Variants in NKTR observed in about 807,000 individuals in gnomAD.
NKTR encodes natural killer cell triggering receptor.
Under a neutral mutation model 156.3 loss-of-function variants are expected in NKTR, and 67 were observed. That is an observed-to-expected ratio of 0.43 (90% CI 0.35 to 0.53). The LOEUF (loss-of-function observed/expected upper bound fraction) is 0.53. Ranked by LOEUF, NKTR falls within the 20% of genes least tolerant of loss-of-function variation. The pLI is 0.01. For missense variants in NKTR, 1,604 were observed against 1,730.9 expected, an observed-to-expected ratio of 0.93 and a Z score of 1.30; for synonymous variants, 640 against 596.6, an observed-to-expected ratio of 1.07 and a Z score of -1.06.
At chr3:42,609,338 G>A (rs2125765773) in intron 2 of NKTR, among the ~76,000 whole-genome samples, 1 of 152,310 alleles carries the variant, frequency 6.6e-6, no homozygotes, top group East Asian at 1.9e-4. Context: ...CTTTGGTGTA[G>A]TAATGGTTTT....
At chr3:42,643,806 T>A (rs1302674500) in intron 15 of NKTR, 96 bp from the exon 16 acceptor site, 1 of 829,036 alleles carries the variant, frequency 1.2e-6, no homozygotes, top group African/African-American at 1.7e-5. Context: ...AGTGCCCATG[T>A]TCTAAGCTAG....
chr3:42,627,454 G>A (rs1184250678), intron 6 of NKTR: 1 of 985,116 alleles, frequency 1.0e-6, no homozygotes, highest in African/African-American at 1.7e-5. Context: ...TTCTGGTGGG[G>A]GAGTGGGGTT....
intron 2 of NKTR, among the ~76,000 whole-genome samples, chr3:42,608,650 C>T (rs947256492): frequency 6.6e-6 from 1 of 152,148 alleles, no homozygotes; most frequent in African/African-American, 2.4e-5. Flanking sequence ...ACTGAATCTC[C>T]AGCCCCTCTT....
At chr3:42,634,051 G>A (rs967819892) in intron 10 of NKTR, among the ~76,000 whole-genome samples, 8 of 152,298 alleles carry the variant, frequency 5.3e-5, no homozygotes, top group African/African-American at 1.7e-4. Context: ...TATTAGAGGG[G>A]TGAGGTTTTA....
At chr3:42,642,645 T>C in intron 14 of NKTR, 49 bp downstream of exon 14, 6 of 1,330,560 alleles carry the variant, frequency 4.5e-6, no homozygotes, top group African/African-American at 4.3e-5. Flanking sequence ...ATGTCCACTT[T>C]TTAAGGCTAC....
Position 42,639,440 on chromosome 3 carries a change from G to T in NKTR, c.3736G>T (p.Val1246Leu). 1 of 1,614,210 alleles carries T rather than the reference G, an allele frequency of 6.2e-7. No homozygotes were observed. Among genetic ancestry groups the T allele is most frequent in the Non-Finnish European group, 8.5e-7 (1 of 1,180,018 alleles). The change falls in exon 13 of 17, where the codon GTG becomes TTG. Residue 1246 changes from valine (V) to leucine (L), a missense_variant. This residue lies in a region of NKTR where 1,255 missense variants were observed against 1,243.7 expected (regional missense o/e 1.01). Transcript: ENST00000232978. The part of the protein sequence containing the change: ...AAPNAATSSA[V>L]EVKVLTTVPE... ...ACCTAATGCTGCCACATCCAGTGCT[G>T]TGGAAGTTAAGGTGTTGACCACTGT...
At chr3:42,611,067 TAA>T (rs2125768664) in intron 2 of NKTR, 1 of 152,348 alleles carries the variant, frequency 6.6e-6, no homozygotes, top group African/African-American at 2.4e-5. Flanking sequence ...GTGATCAGGA[TAA>T]ATAAGTGGTA....
chr3:42,602,731 AT>A (rs1283601406), intron 2 of NKTR: 1 of 149,420 alleles, frequency 6.7e-6, no homozygotes, highest in African/African-American at 2.5e-5. Context: ...GTTATTTTCT[AT>A]TAAGAATTAA....
chr3:42,620,114 A>T lies in NKTR; in HGVS notation c.286+406A>T, dbSNP rs1707769508. 3.3e-6 allele frequency: 5 copies of T among 1,518,396 alleles called. No individual in the cohort carries two copies. The East Asian group carries it at 1.2e-4, about 38-fold the overall frequency. The allele number at this position is 1,518,396 out of a possible 1,614,324, so 94.1% of individuals were successfully genotyped here. A position where few individuals can be genotyped will look rare whatever the true frequency, so the allele number is the denominator to read the frequency against. ...TGCACCCTTCCTAATAAATTTATGG[A>T]CAGTCTGGGTCAGGTTGTGGCTGGA... On this transcript the variant is annotated intron_variant, in intron 5 of 16. Transcript: ENST00000232978.
intron 6 of NKTR, among the ~76,000 whole-genome samples, chr3:42,621,936 T>G (rs1707940561): frequency 6.6e-6 from 1 of 152,016 alleles, no homozygotes; most frequent in South Asian, 2.1e-4. Context: ...ATTGCATGGT[T>G]GTTTTTTCCT....
chr3:42,619,161 T>A, intron 4 of NKTR, 34 bp downstream of exon 4: 1 of 1,586,920 alleles, frequency 6.3e-7, no homozygotes, highest in Non-Finnish European at 8.5e-7. Context: ...AATAACTCCA[T>A]CTATCAGTTT....
chr3:42,642,562 C>T lies in NKTR; in HGVS notation c.4108C>T (p.Arg1370Trp), dbSNP rs977683138. Residue 1370 changes from arginine (R) to tryptophan (W), a missense_variant, in exon 14 of 17, where the codon CGG becomes TGG. Coordinates refer to ENST00000232978, the MANE Select transcript of NKTR (RefSeq NM_005385.4). The stretch of plus-strand genomic sequence containing the variant: ...GTACAGCAGAGGCCGAACCAGAAGC[C>T]GGAGCAGTTCCTACCGGAGTTACAA... ...GWYSRGRTRS[R>W]SSSYRSYKSH... The T allele has an allele frequency of 9.9e-6, 16 of 1,613,982 alleles. No individual in the cohort carries two copies. Among genetic ancestry groups the T allele is most frequent in the East Asian group, 8.9e-5 (4 of 44,890 alleles).
intron 2 of NKTR, among the ~76,000 whole-genome samples, chr3:42,611,430 A>C (rs998308487): frequency 6.6e-6 from 1 of 152,100 alleles, no homozygotes; most frequent in Non-Finnish European, 1.5e-5. Flanking sequence ...CTACTTGTGA[A>C]TACCTGTTTA....
chr3:42,619,812 C>A, intron 5 of NKTR, 104 bp downstream of exon 5: 1 of 1,537,854 alleles, frequency 6.5e-7, no homozygotes, highest in Non-Finnish European at 8.7e-7. Context: ...TCACTTTTTG[C>A]ATGAAACTAA....
intron 2 of NKTR, among the ~76,000 whole-genome samples, chr3:42,612,761 A>G (rs558678770): frequency 2.0e-5 from 3 of 152,266 alleles, no homozygotes; most frequent in African/African-American, 7.2e-5. Flanking sequence ...AGTTTGTAAT[A>G]TAAGGTGTCT....
At position 42,638,389 on chromosome 3, in the gene NKTR, C is replaced by T; in HGVS notation, c.2685C>T (p.Val895=). The part of the protein sequence containing the change: ...WDSESNSERD[V]TKNSKNDSHP... Reference sequence around the variant, plus strand: ...CTGAGTCAAATTCAGAACGAGATGTCACTAAAAACAGTAAAAATGACTCCC... The same window carrying T: ...CTGAGTCAAATTCAGAACGAGATGTTACTAAAAACAGTAAAAATGACTCCC... The change falls in exon 13 of 17, where the codon GTC becomes GTT. Residue 895 remains valine, a synonymous_variant. Transcript: ENST00000232978. The T allele has an allele frequency of 6.2e-7, 1 of 1,613,896 alleles. No homozygotes were observed. Among genetic ancestry groups the T allele is most frequent in the Non-Finnish European group, 8.5e-7 (1 of 1,179,968 alleles).
chr3:42,610,033 C>G (rs612362), intron 2 of NKTR, among the ~76,000 whole-genome samples: 38,523 of 151,722 alleles, frequency 0.25, 5,387 homozygotes, highest in East Asian at 0.47. Context: ...GACAGAGTTT[C>G]GCTCTTGTTG....
chr3:42,626,822 A>G (rs758198293), intron 6 of NKTR, among the ~76,000 whole-genome samples: 6 of 152,132 alleles, frequency 3.9e-5, no homozygotes, highest in Non-Finnish European at 7.4e-5. Context: ...GGTCCTGGGC[A>G]TTCAGATTTT....
rs1710475234 is a variant in NKTR at position 42,648,224 on chromosome 3, T to C, written c.*2249T>C. On this transcript the variant is annotated 3_prime_UTR_variant, in exon 17 of 17. Transcript: ENST00000232978. ...AGGTTGATTGTGCGATAGAACATAA[T>C]TGCAGGAGTACTGTCTCATCTCATC... 6.6e-6 allele frequency: 1 copy of C among 152,242 alleles called. No homozygotes were observed. Among genetic ancestry groups the C allele is most frequent in the Non-Finnish European group, 1.5e-5 (1 of 68,044 alleles). 9.4% of individuals were successfully genotyped at this position (152,242 alleles called of 1,614,324 possible).
Sources: allele counts gnomAD v4.1 joint callset (sites outside exome capture counted in the v4.1 genomes callset), GRCh38; gene constraint gnomAD v4.1.1; regional missense constraint gnomAD v4.1.1; transcripts MANE v1.5; gene names NCBI Gene and HGNC (gene_info 2026-07-23, HGNC 2026-07-21).